The following USH2A variants were observed in gnomAD, a reference collection of about 807,000 sequenced individuals.
USH2A encodes Usher syndrome 2A (autosomal recessive, mild).
USH2A carries 443 observed loss-of-function variants against 538.9 expected under a neutral mutation model. That is an observed-to-expected ratio of 0.82 (90% CI 0.76 to 0.89). The LOEUF is 0.89. Among genes scored for constraint, USH2A ranks in the 40% least tolerant of loss-of-function variants. The probability of loss-of-function intolerance (pLI) is 0.00; values close to 1 mark genes in which losing one functional copy is unlikely to be tolerated. For synonymous variants in USH2A, 2,413 were observed against 2,273.5 expected (o/e 1.06, Z -1.75); for missense variants, 6,633 against 6,324.8 (o/e 1.05, Z -1.65).
intron 3 of USH2A, among the ~76,000 whole-genome samples, chr1:216,391,016 T>C (rs980869473): frequency 6.6e-6 from 1 of 152,126 alleles, no homozygotes; most frequent in Non-Finnish European, 1.5e-5. Context: ...ACATGCAATA[T>C]TAGGGAAGGT....
intron 21 of USH2A, among the ~76,000 whole-genome samples, chr1:216,117,373 T>C (rs2102591059): frequency 6.6e-6 from 1 of 152,314 alleles, no homozygotes; most frequent in Non-Finnish European, 1.5e-5. Context: ...CATATAATTA[T>C]ATAATCACTC....
At chr1:215,705,421 CAAGTG>C (rs1420252552) in intron 61 of USH2A, among the ~76,000 whole-genome samples, 1 of 152,110 alleles carries the variant, frequency 6.6e-6, no homozygotes, top group Admixed American at 6.6e-5. Context: ...GCACAGAACT[CAAGTG>C]AAGTGACGAG....
chr1:216,419,034 A>G (rs2039629913), intron 2 of USH2A, among the ~76,000 whole-genome samples: 1 of 152,128 alleles, frequency 6.6e-6, no homozygotes, highest in Non-Finnish European at 1.5e-5. Flanking sequence ...GTGGTACAAC[A>G]CACTACAGGC....
intron 32 of USH2A, among the ~76,000 whole-genome samples, chr1:216,011,546 G>C (rs1668569999): frequency 6.6e-6 from 1 of 152,002 alleles, no homozygotes; most frequent in South Asian, 2.1e-4. Context: ...GGTTAGTGCG[G>C]TCAGAATTCT....
Position 216,046,465 on chromosome 1 carries a change from G to C in USH2A, c.6291C>G (p.Ile2097Met), listed in dbSNP as rs1243387438. 11 of 1,613,334 alleles carry C rather than the reference G, an allele frequency of 6.8e-6. No homozygotes were observed. Among genetic ancestry groups the C allele is most frequent in the Non-Finnish European group, 9.3e-6 (11 of 1,179,658 alleles). The change falls in exon 32 of 72, where the codon ATC (isoleucine) becomes ATG (methionine). Residue 2097 changes from isoleucine (I) to methionine (M), a missense_variant. Transcript: ENST00000307340. ...QYCLYMDGRL[I>M]YSGSEENYIV... Reference sequence around the variant, plus strand: ...TGTAGTTCTCCTCACTGCCTGAATAGATCAGCCTCCCATCCATGTATAAAC... The same window carrying C: ...TGTAGTTCTCCTCACTGCCTGAATACATCAGCCTCCCATCCATGTATAAAC...
At chr1:215,780,535 G>A (rs775773064) in intron 54 of USH2A, among the ~76,000 whole-genome samples, 3 of 152,120 alleles carry the variant, frequency 2.0e-5, no homozygotes, top group Non-Finnish European at 4.4e-5. Flanking sequence ...TGATACCTAG[G>A]ATGACTTTAT....
chr1:215,915,480 GTC>G (rs1416975266), intron 38 of USH2A, among the ~76,000 whole-genome samples: 1 of 151,818 alleles, frequency 6.6e-6, no homozygotes, highest in East Asian at 2.0e-4. Context: ...TGAAGAAATT[GTC>G]TCTGTCTTTC....
At chr1:215,915,217 C>G (rs1231030140) in intron 38 of USH2A, among the ~76,000 whole-genome samples, 1 of 152,010 alleles carries the variant, frequency 6.6e-6, no homozygotes, top group African/African-American at 2.4e-5. Flanking sequence ...GTTCAAGTTC[C>G]TGTTATTTTA....
At position 215,844,279 on chromosome 1, in the gene USH2A, A is replaced by G. The variant is rs181894778; in HGVS notation, c.9258+15T>C. 2.7e-4 allele frequency: 439 copies of G among 1,612,910 alleles called. 2 individuals are homozygous for G. In the East Asian group the frequency reaches 6.8e-3, roughly 25 times the overall value. The stretch of plus-strand genomic sequence containing the variant: ...CATATCCATAAGCCTAACCATCAAA[A>G]AACAATGTTCTAACCTGAATGTCAT... On this transcript the variant is annotated intron_variant, in intron 46 of 71. Coordinates refer to ENST00000307340, the MANE Select transcript of USH2A (RefSeq NM_206933.4).
intron 32 of USH2A, among the ~76,000 whole-genome samples, chr1:216,015,022 G>A (rs1260453957): frequency 1.3e-5 from 2 of 152,042 alleles, no homozygotes; most frequent in African/African-American, 4.8e-5. Context: ...AATACATATT[G>A]TCTGGGTCTT....
chr1:216,375,622 C>T (rs2038803089), intron 3 of USH2A, among the ~76,000 whole-genome samples: 1 of 152,124 alleles, frequency 6.6e-6, no homozygotes, highest in Non-Finnish European at 1.5e-5. Context: ...AGCAATAAAG[C>T]TGTTTCAGTT....
chr1:216,156,515 C>T (rs1410333335), intron 21 of USH2A, among the ~76,000 whole-genome samples: 1 of 152,006 alleles, frequency 6.6e-6, no homozygotes, highest in Non-Finnish European at 1.5e-5. Flanking sequence ...TTTTGATGGA[C>T]ATTTACAAAA....
At chr1:216,083,369 A>G (rs1380054558) in intron 26 of USH2A, 87 bp downstream of exon 26, 2 of 1,431,650 alleles carry the variant, frequency 1.4e-6, no homozygotes, top group Non-Finnish European at 9.5e-7. Context: ...AGAAACCCCA[A>G]TTAAGTGTAA....
At chr1:216,314,042 T>G (rs1382578494) in intron 9 of USH2A, among the ~76,000 whole-genome samples, 1 of 152,184 alleles carries the variant, frequency 6.6e-6, no homozygotes, top group Non-Finnish European at 1.5e-5. Flanking sequence ...ATGTATGCAT[T>G]TACTTTTCTT....
intron 22 of USH2A, among the ~76,000 whole-genome samples, chr1:216,092,479 A>G (rs1030371989): frequency 6.6e-6 from 1 of 152,264 alleles, no homozygotes; most frequent in Non-Finnish European, 1.5e-5. Flanking sequence ...ATAAACTTCT[A>G]TACTTTTTAA....
chr1:216,058,988 A>G (rs928163950), intron 30 of USH2A, among the ~76,000 whole-genome samples: 4 of 152,146 alleles, frequency 2.6e-5, no homozygotes, highest in Non-Finnish European at 5.9e-5. Flanking sequence ...CACAGAGAGT[A>G]CCATAGGCAG....
intron 55 of USH2A, 112 bp downstream of exon 55, chr1:215,779,731 C>T (rs373606060): frequency 5.5e-5 from 71 of 1,288,360 alleles, no homozygotes; most frequent in East Asian, 1.5e-4. Context: ...CAAGAGAACA[C>T]GTCCTTTCGA....
chr1:215,812,214 G>A (rs1187658935), intron 49 of USH2A, among the ~76,000 whole-genome samples: 1 of 151,772 alleles, frequency 6.6e-6, no homozygotes, highest in Non-Finnish European at 1.5e-5. Context: ...TTGATCTCCC[G>A]ACTTCAGGTG....
At chr1:215,875,467 G>A (rs1664739435) in intron 43 of USH2A, among the ~76,000 whole-genome samples, 1 of 152,076 alleles carries the variant, frequency 6.6e-6, no homozygotes, top group South Asian at 2.1e-4. Context: ...TCATGGGTGT[G>A]TTTATGTCAA....
Sources: gnomAD v4.1 joint callset for allele counts (sites outside exome capture counted in the v4.1 genomes callset) on GRCh38, gnomAD v4.1.1 for gene constraint, MANE v1.5 for transcripts, NCBI Gene and HGNC (gene_info 2026-07-23, HGNC 2026-07-21) for gene names.